PCDHA4: variants seen among roughly 807,000 people sequenced by gnomAD.
The protein encoded by PCDHA4 is protocadherin alpha-4.
In PCDHA4, 49 loss-of-function variants were observed where a neutral mutation model predicts 61.4. The observed-to-expected ratio is 0.80, with a 90% CI of 0.63 to 1.01. The LOEUF is 1.01. PCDHA4 is among the 50% of genes least tolerant of loss of function. The pLI is 0.00. For missense variants in PCDHA4, 1,254 were observed against 1,235.8 expected, an observed-to-expected ratio of 1.01 and a Z score of -0.22; for synonymous variants, 590 against 550.3, an observed-to-expected ratio of 1.07 and a Z score of -1.01.
chr5:140,821,865 C>A, intron 1 of PCDHA4: 1 of 1,614,214 alleles, frequency 6.2e-7, no homozygotes, highest in Non-Finnish European at 8.5e-7. Flanking sequence ...GCGGCCAGCT[C>A]CACTACTCGA....
rs1318602549 is a variant in PCDHA4, at chr5:140,842,870, G to T, written c.2385+33298G>T. On this transcript the variant is annotated intron_variant, in intron 1 of 3. Coordinates refer to ENST00000530339, the MANE Select transcript of PCDHA4 (RefSeq NM_018907.4). ...TTCGGTGCACACGGAGAGCGGCAAG[G>T]TGTACGCGCTGCAGCCGCTGGACCA... 4.4e-6 allele frequency: 7 copies of T among 1,593,934 alleles called. 1 individual carries two copies. Among genetic ancestry groups the T allele is most frequent in the Non-Finnish European group, 6.0e-6 (7 of 1,165,422 alleles).
At chr5:140,871,519 A>C in intron 1 of PCDHA4, 1 of 1,554,010 alleles carries the variant, frequency 6.4e-7, no homozygotes, top group Non-Finnish European at 8.7e-7. Context: ...GATTCCACCT[A>C]TCAGGAAGTG....
At chr5:140,882,633 A>G in intron 1 of PCDHA4, 1 of 1,614,220 alleles carries the variant, frequency 6.2e-7, no homozygotes, top group Non-Finnish European at 8.5e-7. Context: ...GTGGAGGTGA[A>G]GGTGAGGGAC....
Position 140,871,448 on chromosome 5 carries a change from A to G in PCDHA4, c.2385+61876A>G, listed in dbSNP as rs2053088391. On this transcript the variant is annotated intron_variant, in intron 1 of 3. Transcript: ENST00000530339. ...AGTCTTCCTCTAGGTCTGAATAAAG[A>G]GGAGGAAGGGGAAAGACAGGAGCCA... 2 of 1,609,780 alleles carry G rather than the reference A, an allele frequency of 1.2e-6. No homozygotes were observed. Among genetic ancestry groups the G allele is most frequent in the African/African-American group, 2.7e-5 (2 of 74,984 alleles).
intron 1 of PCDHA4, among the ~76,000 whole-genome samples, chr5:140,878,373 T>G (rs944129613): frequency 2.2e-4 from 34 of 152,258 alleles, no homozygotes; most frequent in African/African-American, 8.0e-4. Flanking sequence ...TGACATATGA[T>G]GAATGATTTT....
intron 3 of PCDHA4, among the ~76,000 whole-genome samples, chr5:140,994,850 CAT>C (rs10584145): frequency 0.01 from 1,553 of 152,082 alleles, 27 homozygotes; most frequent in African/African-American, 0.036. Flanking sequence ...AAGATGAGTG[CAT>C]TTGATGGATG....
intron 1 of PCDHA4, among the ~76,000 whole-genome samples, chr5:140,946,629 T>TATATATATATATATATATATATATATAC (rs1367833800): frequency 2.4e-5 from 3 of 123,274 alleles, no homozygotes; most frequent in Non-Finnish European, 3.6e-5. Context: ...TATATATATA[T>TATATATATATATATATATATATATATAC]ATACAATGGA....
intron 1 of PCDHA4, chr5:140,927,843 C>T (rs1563097859): frequency 1.2e-6 from 2 of 1,614,186 alleles, no homozygotes; most frequent in Non-Finnish European, 1.7e-6. Context: ...ACGAAGGTGT[C>T]TTTGGTTTAG....
At chr5:140,943,266 AAAAAAAAAAAAG>A (rs2093453056) in intron 1 of PCDHA4, among the ~76,000 whole-genome samples, 1 of 150,226 alleles carries the variant, frequency 6.7e-6, no homozygotes, top group African/African-American at 2.5e-5. Context: ...TCAAAAAAAA[AAAAAAAAAAAAG>A]AAAGAAAGAA....
intron 3 of PCDHA4, among the ~76,000 whole-genome samples, chr5:140,995,324 G>C (rs1290299693): frequency 1.3e-5 from 2 of 152,190 alleles, no homozygotes; most frequent in Non-Finnish European, 2.9e-5. Context: ...GAACTAACAG[G>C]TGAGTAGTGT....
At chr5:140,962,928 A>G (rs1447478531) in intron 1 of PCDHA4, among the ~76,000 whole-genome samples, 5 of 152,186 alleles carry the variant, frequency 3.3e-5, no homozygotes, top group African/African-American at 1.2e-4. Flanking sequence ...GATACTTCTC[A>G]ACCTCCTCTC....
At position 141,010,070 on chromosome 5, in the gene PCDHA4, C is replaced by A. The variant is rs1331011642; in HGVS notation, c.*133C>A. The A allele has an allele frequency of 3.7e-5, 60 of 1,605,422 alleles. No individual in the cohort carries two copies. Among genetic ancestry groups the A allele is most frequent in the Non-Finnish European group, 5.0e-5 (59 of 1,175,768 alleles). ...AGACCTCAGAAATCTGCAGAAAGTT[C>A]CCTGTGTCTGTCTAGAACGCATTTA... is the stretch of plus-strand genomic sequence containing the variant. On this transcript the variant is annotated 3_prime_UTR_variant, in exon 4 of 4. Coordinates refer to ENST00000530339, the MANE Select transcript of PCDHA4 (RefSeq NM_018907.4).
intron 1 of PCDHA4, chr5:140,827,873 T>TA (rs1769435711): frequency 4.7e-6 from 3 of 637,520 alleles, no homozygotes; most frequent in South Asian, 4.0e-5. Flanking sequence ...ATAGCACTGT[T>TA]ACGTGAATTG....
chr5:140,917,417 C>G (rs1163543772), intron 1 of PCDHA4, among the ~76,000 whole-genome samples: 2 of 152,082 alleles, frequency 1.3e-5, no homozygotes, highest in African/African-American at 2.4e-5. Flanking sequence ...TAATTAGGCC[C>G]CATTTGCCAA....
chr5:140,886,558 T>G (rs535461538), intron 1 of PCDHA4, among the ~76,000 whole-genome samples: 1 of 152,202 alleles, frequency 6.6e-6, no homozygotes, highest in South Asian at 2.1e-4. Flanking sequence ...CTGGGCACGG[T>G]GGCTCACGCC....
At chr5:140,962,077 G>T (rs2095655013) in intron 1 of PCDHA4, among the ~76,000 whole-genome samples, 1 of 151,866 alleles carries the variant, frequency 6.6e-6, no homozygotes, top group South Asian at 2.1e-4. Flanking sequence ...AGTAGAGACG[G>T]GGTTTCACCA....
chr5:140,941,963 T>A (rs2093209364), intron 1 of PCDHA4, among the ~76,000 whole-genome samples: 1 of 152,230 alleles, frequency 6.6e-6, no homozygotes. Flanking sequence ...CAATAGTATC[T>A]TTACTTTCCC....
intron 3 of PCDHA4, among the ~76,000 whole-genome samples, chr5:141,002,246 C>T (rs1217451636): frequency 6.6e-6 from 1 of 152,190 alleles, no homozygotes; most frequent in Non-Finnish European, 1.5e-5. Flanking sequence ...CTTTATTAAC[C>T]TCAGCACTGA....
chr5:140,956,979 A>C (rs2153711830), intron 1 of PCDHA4, among the ~76,000 whole-genome samples: 1 of 152,346 alleles, frequency 6.6e-6, no homozygotes, highest in South Asian at 2.1e-4. Context: ...AATTTAAGTA[A>C]AATAAATTCA....
Sources: allele counts gnomAD v4.1 joint callset (sites outside exome capture counted in the v4.1 genomes callset), GRCh38; gene constraint gnomAD v4.1.1; transcripts MANE v1.5; gene names NCBI Gene and HGNC (gene_info 2026-07-23, HGNC 2026-07-21).